The following RPTOR variants were observed in gnomAD, a reference collection of about 807,000 sequenced individuals.
RPTOR encodes regulatory associated protein of MTOR complex 1.
In RPTOR, 21 loss-of-function variants were observed where a neutral mutation model predicts 169.9. That is an observed-to-expected ratio of 0.12 (90% CI 0.09 to 0.18). The LOEUF (loss-of-function observed/expected upper bound fraction) is 0.18. Ranked by LOEUF, RPTOR falls within the 10% of genes least tolerant of loss-of-function variation. RPTOR has a pLI of 1.00. For synonymous variants in RPTOR, 732 were observed against 753.2 expected (o/e 0.97, Z 0.46); for missense variants, 1,133 against 1,855.9 (o/e 0.61, Z 7.16).
At chr17:80,793,455 T>G (rs1306211633) in intron 7 of RPTOR, among the ~76,000 whole-genome samples, 1 of 152,234 alleles carries the variant, frequency 6.6e-6, no homozygotes, top group Non-Finnish European at 1.5e-5. Context: ...CTGTTTGTCG[T>G]GCCTCCCTGT....
rs778418999 is a variant in RPTOR, at chr17:80,892,848, A to G, written c.2221A>G (p.Asn741Asp). 1.2e-6 allele frequency: 2 copies of G among 1,614,174 alleles called. No homozygotes were observed. Among genetic ancestry groups the G allele is most frequent in the South Asian group, 2.2e-5 (2 of 91,082 alleles). Residue 741 changes from asparagine to aspartate, a missense_variant, in exon 19 of 34, where the codon AAC (asparagine) becomes GAC (aspartate). By Grantham distance (23) the Asn-to-Asp change is conservative. Around this residue, in one of 9 missense-constraint regions of RPTOR, gnomAD observed 150 missense variants for 206.4 expected, o/e 0.73. Transcript: ENST00000306801. ...CAGGAGCCTCAACAAATCTTTGCAG[A>G]ACCTGAGTTTGACAGAGGAATGTAA... ...TARSLNKSLQNLSLTEESGGA... is the reference protein window; with the variant it reads ...TARSLNKSLQDLSLTEESGGA...
chr17:80,798,356 C>A (rs1175699835), intron 7 of RPTOR, among the ~76,000 whole-genome samples: 1 of 152,188 alleles, frequency 6.6e-6, no homozygotes, highest in Non-Finnish European at 1.5e-5. Context: ...ATGTGGCCAG[C>A]AGGGCCACGC....
chr17:80,600,810 A>G (rs2065179339), intron 1 of RPTOR, among the ~76,000 whole-genome samples: 1 of 152,012 alleles, frequency 6.6e-6, no homozygotes, highest in African/African-American at 2.4e-5. Flanking sequence ...CAGAGGATGG[A>G]CAGTGGCAGA....
intron 4 of RPTOR, among the ~76,000 whole-genome samples, chr17:80,724,833 T>C (rs977404929): frequency 3.3e-5 from 5 of 152,150 alleles, no homozygotes; most frequent in African/African-American, 4.8e-5. Context: ...CCACGACACT[T>C]GCGCTTGCCT....
chr17:80,553,803 G>A (rs769466402), intron 1 of RPTOR, among the ~76,000 whole-genome samples: 7 of 151,690 alleles, frequency 4.6e-5, no homozygotes, highest in East Asian at 1.9e-4. Context: ...GTGCAGTGGC[G>A]CGATCTCGGC....
rs141011467 is a variant in RPTOR at position 80,730,580 on chromosome 17, T to C, written c.528T>C (p.Pro176=). 30 of 1,614,066 alleles carry C rather than the reference T, an allele frequency of 1.9e-5. No homozygotes were observed. Among genetic ancestry groups the C allele is most frequent in the Non-Finnish European group, 2.4e-5 (28 of 1,180,024 alleles). The change falls in exon 5 of 34, where the codon CCT becomes CCC. Residue 176 remains proline, a synonymous_variant. Coordinates refer to ENST00000306801, the MANE Select transcript of RPTOR (RefSeq NM_020761.3). The surrounding 1 kb of genome is among the most constrained non-coding windows in gnomAD (Gnocchi z 4.2). ...VFNKNYTQYI[P]LSIYDLQTWM... The stretch of plus-strand genomic sequence containing the variant: ...TCTAGAACTACACGCAGTACATCCC[T>C]CTGTCCATATATGACCTGCAGACGT...
intron 20 of RPTOR, among the ~76,000 whole-genome samples, chr17:80,901,106 G>A (rs889910819): frequency 2.0e-5 from 3 of 152,218 alleles, no homozygotes; most frequent in African/African-American, 7.2e-5. Context: ...AGGGACTGCG[G>A]AGGCCCCGCC....
intron 1 of RPTOR, among the ~76,000 whole-genome samples, chr17:80,561,570 T>C (rs1196033484): frequency 6.6e-6 from 1 of 152,096 alleles, no homozygotes; most frequent in African/African-American, 2.4e-5. Flanking sequence ...TAGCTGGGAC[T>C]ACAGGCATGT....
At chr17:80,790,493 T>C (rs2067036470) in intron 6 of RPTOR, among the ~76,000 whole-genome samples, 1 of 152,136 alleles carries the variant, frequency 6.6e-6, no homozygotes, top group South Asian at 2.1e-4. Context: ...AGTTCCTCTG[T>C]GTCTTTTTCT....
At chr17:80,848,584 G>A (rs1026035248) in intron 11 of RPTOR, among the ~76,000 whole-genome samples, 2 of 152,252 alleles carry the variant, frequency 1.3e-5, no homozygotes, top group African/African-American at 4.8e-5. Context: ...GTGTGGCCAC[G>A]GGTGACCGGG....
chr17:80,784,123 C>G (rs1414425810), intron 6 of RPTOR, among the ~76,000 whole-genome samples: 1 of 151,912 alleles, frequency 6.6e-6, no homozygotes, highest in Non-Finnish European at 1.5e-5. Context: ...CCATGCCCAG[C>G]TAACTTATTT....
At chr17:80,850,385 C>T (rs368698229) in intron 11 of RPTOR, among the ~76,000 whole-genome samples, 15 of 152,212 alleles carry the variant, frequency 9.9e-5, no homozygotes, top group Non-Finnish European at 1.9e-4. Flanking sequence ...GCAACAGACA[C>T]GATTTCATTC....
At chr17:80,701,775 T>A (rs1420217918) in intron 3 of RPTOR, among the ~76,000 whole-genome samples, 3 of 152,218 alleles carry the variant, frequency 2.0e-5, no homozygotes, top group Admixed American at 6.5e-5. Flanking sequence ...GCCAGTGTCT[T>A]TGTTAGAAAC....
chr17:80,728,636 A>G (rs958513439), intron 4 of RPTOR, among the ~76,000 whole-genome samples: 1 of 151,958 alleles, frequency 6.6e-6, no homozygotes, highest in Non-Finnish European at 1.5e-5. Flanking sequence ...TGTCTCCCTC[A>G]CTAATACCAT....
intron 13 of RPTOR, among the ~76,000 whole-genome samples, chr17:80,874,143 C>T (rs1431058844): frequency 6.6e-6 from 1 of 151,882 alleles, no homozygotes; most frequent in African/African-American, 2.4e-5. Flanking sequence ...CTATGGACAT[C>T]AGATGCAGCA....
At chr17:80,623,560 G>A (rs4889870) in intron 1 of RPTOR, among the ~76,000 whole-genome samples, 52,333 of 151,684 alleles carry the variant, frequency 0.35, 9,172 homozygotes, top group African/African-American at 0.39. Flanking sequence ...TTTTGAGATG[G>A]AGTCTTGCTC....
intron 13 of RPTOR, among the ~76,000 whole-genome samples, chr17:80,879,824 C>T (rs539882288): frequency 2.6e-5 from 4 of 152,308 alleles, no homozygotes; most frequent in East Asian, 1.9e-4. Context: ...GTGGGAAGGT[C>T]GCCTGCCTGG....
At chr17:80,761,958 T>C (rs1440176396) in intron 6 of RPTOR, among the ~76,000 whole-genome samples, 1 of 152,204 alleles carries the variant, frequency 6.6e-6, no homozygotes, top group Non-Finnish European at 1.5e-5. Flanking sequence ...GGAATTTGCG[T>C]CTGGAGAAAC....
intron 21 of RPTOR, among the ~76,000 whole-genome samples, chr17:80,918,738 C>A (rs1192539687): frequency 6.6e-6 from 1 of 152,198 alleles, no homozygotes; most frequent in Non-Finnish European, 1.5e-5. Flanking sequence ...ACTCCCACCC[C>A]CTAGGGCTGT....
Sources: gnomAD v4.1 joint callset for allele counts (sites outside exome capture counted in the v4.1 genomes callset) on GRCh38, gnomAD v4.1.1 for gene constraint, gnomAD v4.1.1 regional missense constraint, Gnocchi (gnomAD v3.1) non-coding constraint, MANE v1.5 for transcripts, NCBI Gene and HGNC (gene_info 2026-07-23, HGNC 2026-07-21) for gene names.